PTBP3: variants seen among roughly 807,000 people sequenced by gnomAD.
PTBP3 encodes the protein polypyrimidine tract binding protein 3.
PTBP3 carries 20 observed loss-of-function variants against 58.7 expected under a neutral mutation model. That is an observed-to-expected ratio of 0.34 (90% CI 0.24 to 0.50). PTBP3 has a LOEUF of 0.50. Among genes scored for constraint, PTBP3 ranks in the 20% least tolerant of loss-of-function variants. The probability of loss-of-function intolerance (pLI) is 0.98; values close to 1 mark genes in which losing one functional copy is unlikely to be tolerated. For synonymous variants in PTBP3, 185 were observed against 219.8 expected (o/e 0.84, Z 1.40); for missense variants, 509 against 637.2 (o/e 0.80, Z 2.17).
intron 11 of PTBP3, 53 bp from the exon 12 acceptor site, chr9:112,227,680 G>T: frequency 2.3e-6 from 3 of 1,282,398 alleles, no homozygotes; most frequent in Non-Finnish European, 3.4e-6. Context: ...AGATTTCTCA[G>T]TAGTATCTGA....
chr9:112,220,276 G>A lies in PTBP3; in HGVS notation c.*3575C>T, dbSNP rs763201193. ...ACTGATGGCACGGAGACACTGAAAA[G>A]AACAGAGAGCCAGGCGTGGTGGCTC... On this transcript the variant is annotated 3_prime_UTR_variant, in exon 14 of 14. Coordinates refer to ENST00000374257, the MANE Select transcript of PTBP3 (RefSeq NM_001163788.4). The A allele has an allele frequency of 2.3e-6, 3 of 1,331,562 alleles. No homozygotes were observed. The Admixed American group carries it at 6.1e-5, about 27-fold the overall frequency. 82.5% of individuals were successfully genotyped at this position (1,331,562 alleles called of 1,614,324 possible).
At chr9:112,261,391 T>C (rs1836589037) in intron 5 of PTBP3, among the ~76,000 whole-genome samples, 1 of 152,240 alleles carries the variant, frequency 6.6e-6, no homozygotes, top group South Asian at 2.1e-4. Flanking sequence ...CCAATTGGTA[T>C]AAGGACTGTG....
At chr9:112,330,448 C>T in intron 1 of PTBP3, 1 of 1,525,518 alleles carries the variant, frequency 6.6e-7, no homozygotes, top group Non-Finnish European at 9.0e-7. Context: ...TACCTTTAAA[C>T]CGACTGTTAT....
chr9:112,224,751 T>C (rs765069723), intron 12 of PTBP3, among the ~76,000 whole-genome samples: 1 of 152,204 alleles, frequency 6.6e-6, no homozygotes, highest in Non-Finnish European at 1.5e-5. Flanking sequence ...TTGGATACTG[T>C]AGAAATGACA....
chr9:112,357,563 G>T, the PTBP3 span, among the ~76,000 whole-genome samples: 25,823 of 151,984 alleles, frequency 0.17, 2,475 homozygotes, highest in East Asian at 0.24. Context: ...TGCCCAGGCC[G>T]GTCTTAAACT....
chr9:112,250,862 A>G (rs1836083117), intron 7 of PTBP3, 67 bp downstream of exon 7: 15 of 1,390,432 alleles, frequency 1.1e-5, no homozygotes, highest in Non-Finnish European at 1.3e-5. Flanking sequence ...ATAAACATAC[A>G]TGGCTTAATA....
At chr9:112,272,450 T>C (rs1827429610) in intron 3 of PTBP3, 1 of 152,202 alleles carries the variant, frequency 6.6e-6, no homozygotes, top group Non-Finnish European at 1.5e-5. Flanking sequence ...ACATCTCAAA[T>C]TTAAAACGCA....
At chr9:112,348,035 C>T in the PTBP3 span, among the ~76,000 whole-genome samples, 3 of 151,996 alleles carry the variant, frequency 2.0e-5, no homozygotes, top group African/African-American at 7.2e-5. Flanking sequence ...TTCTCAACCT[C>T]AGCACCACTG....
the PTBP3 span, among the ~76,000 whole-genome samples, chr9:112,356,114 A>T: frequency 6.7e-6 from 1 of 148,318 alleles, no homozygotes; most frequent in Non-Finnish European, 1.5e-5. Context: ...AGTAGCTGGG[A>T]TTACAGGCGC....
intron 4 of PTBP3, among the ~76,000 whole-genome samples, chr9:112,267,544 T>C (rs532247482): frequency 2.6e-5 from 4 of 152,170 alleles, no homozygotes; most frequent in Non-Finnish European, 5.9e-5. Flanking sequence ...AAAATCAACA[T>C]GGGAAGACAC....
At chr9:112,331,123 AC>A (rs1830354338) in intron 1 of PTBP3, among the ~76,000 whole-genome samples, 2 of 150,088 alleles carry the variant, frequency 1.3e-5, no homozygotes, top group Admixed American at 6.7e-5. Context: ...ACACACACAC[AC>A]ACGAGAGACA....
intron 1 of PTBP3, 98 bp downstream of exon 1, chr9:112,333,372 C>G: frequency 7.6e-7 from 1 of 1,321,986 alleles, no homozygotes; most frequent in East Asian, 3.0e-5. Context: ...GCCGCCGGCG[C>G]CGCGCACTGC....
intron 1 of PTBP3, among the ~76,000 whole-genome samples, chr9:112,311,769 C>A (rs1760178941): frequency 6.6e-6 from 1 of 152,206 alleles, no homozygotes; most frequent in Admixed American, 6.5e-5. Context: ...AAGAGCTAAA[C>A]CCTGTCTCTG....
intron 12 of PTBP3, among the ~76,000 whole-genome samples, chr9:112,224,658 C>T (rs754111914): frequency 6.6e-6 from 1 of 152,216 alleles, no homozygotes; most frequent in East Asian, 1.9e-4. Context: ...TCTAAGGTGG[C>T]CCCCAATTAC....
At chr9:112,376,516 T>A in the PTBP3 span, among the ~76,000 whole-genome samples, 2 of 152,000 alleles carry the variant, frequency 1.3e-5, no homozygotes, top group Non-Finnish European at 2.9e-5. Flanking sequence ...CCTCCCAAAG[T>A]GCTGGGATTA....
chr9:112,227,720 T>C (rs1269858690), intron 11 of PTBP3, 93 bp from the exon 12 acceptor site: 11 of 1,003,028 alleles, frequency 1.1e-5, no homozygotes, highest in Admixed American at 2.1e-5. Context: ...TTTTATGTAG[T>C]TATTTAAAAC....
At chr9:112,359,316 G>C in the PTBP3 span, among the ~76,000 whole-genome samples, 1 of 151,656 alleles carries the variant, frequency 6.6e-6, no homozygotes, top group African/African-American at 2.4e-5. Context: ...GTATGATGGC[G>C]GGAACCTGCA....
At chr9:112,281,631 T>C (rs1338800863) in intron 2 of PTBP3, among the ~76,000 whole-genome samples, 1 of 152,198 alleles carries the variant, frequency 6.6e-6, no homozygotes, top group Non-Finnish European at 1.5e-5. Context: ...AGGATTGGTA[T>C]TATTTATTCC....
chr9:112,269,113 CT>C (rs1827254188), intron 3 of PTBP3, among the ~76,000 whole-genome samples: 2 of 150,644 alleles, frequency 1.3e-5, no homozygotes, highest in Admixed American at 6.7e-5. Context: ...AGGAGAATCA[CT>C]TGAACCCAGG....
Sources: allele counts gnomAD v4.1 joint callset (sites outside exome capture counted in the v4.1 genomes callset), GRCh38; gene constraint gnomAD v4.1.1; transcripts MANE v1.5; gene names NCBI Gene and HGNC (gene_info 2026-07-23, HGNC 2026-07-21).